UBE3D: variants seen among roughly 807,000 people sequenced by gnomAD.
UBE3D encodes E3 ubiquitin-protein ligase E3D.
Under a neutral mutation model 49.6 loss-of-function variants are expected in UBE3D, and 48 were observed. The observed-to-expected ratio is 0.97, with a 90% CI of 0.77 to 1.23. The LOEUF is 1.23. Ranked by LOEUF, UBE3D falls within the 50% of genes most tolerant of loss-of-function variation. The pLI is 0.00. For synonymous variants in UBE3D, 189 were observed against 174.2 expected (o/e 1.08, Z -0.67); for missense variants, 452 against 468.4 (o/e 0.96, Z 0.32).
chr6:82,963,190 C>CT (rs5877828), intron 8 of UBE3D, among the ~76,000 whole-genome samples: 18,608 of 123,058 alleles, frequency 0.15, 1,350 homozygotes, highest in South Asian at 0.17. Flanking sequence ...AAGTTTTCAT[C>CT]TTTTTTTTTT....
At chr6:83,046,772 C>T (rs1169998264) in intron 3 of UBE3D, among the ~76,000 whole-genome samples, 1 of 151,450 alleles carries the variant, frequency 6.6e-6, no homozygotes, top group Non-Finnish European at 1.5e-5. Context: ...TCTACAAGCA[C>T]ACAAAATCTG....
At chr6:83,009,438 G>A (rs573458116) in intron 8 of UBE3D, among the ~76,000 whole-genome samples, 43 of 151,692 alleles carry the variant, frequency 2.8e-4, no homozygotes, top group East Asian at 2.4e-3. Context: ...TTCACATGAA[G>A]TTTACATTTC....
At chr6:82,968,695 C>T (rs568206446) in intron 8 of UBE3D, among the ~76,000 whole-genome samples, 3 of 152,106 alleles carry the variant, frequency 2.0e-5, no homozygotes, top group Non-Finnish European at 4.4e-5. Flanking sequence ...CATACTCCTG[C>T]CAACAGTGAA....
intron 8 of UBE3D, chr6:83,017,537 C>G (rs1780780241): frequency 6.6e-6 from 1 of 151,920 alleles, no homozygotes; most frequent in Non-Finnish European, 1.5e-5. Context: ...TTGAACATGT[C>G]TCAATAAAAT....
At chr6:82,892,131 C>A (rs1442613117), downstream of UBE3D, among the ~76,000 whole-genome samples, 12 of 152,170 alleles carry the variant, frequency 7.9e-5, no homozygotes, top group Non-Finnish European at 1.5e-4. Context: ...ATTTGCAAAT[C>A]CACAGACTGT....
At position 82,957,428 on chromosome 6, in the gene UBE3D, C is replaced by G. The variant is rs1776241973; in HGVS notation, c.1033G>C (p.Asp345His). ...NEKLVSLWES[D>H]ISVHPLTLPS... ...AGGGTTAGCGGGTGGACGCTGATGT[C>G]ACTTTCCCACAAGCTGACAAGTCTG... Residue 345 changes from aspartate (D) to histidine (H), a missense_variant, in exon 9 of 10, where the codon GAC (aspartate) becomes CAC (histidine). By Grantham distance (81) the Asp-to-His change is moderately conservative. Coordinates refer to ENST00000369747, the MANE Select transcript of UBE3D (RefSeq NM_198920.3). The G allele has an allele frequency of 6.2e-7, 1 of 1,613,880 alleles. No homozygotes were observed. Among genetic ancestry groups the G allele is most frequent in the South Asian group, 1.1e-5 (1 of 91,048 alleles).
chr6:82,997,794 A>G (rs1582591041), intron 8 of UBE3D, among the ~76,000 whole-genome samples: 1 of 152,318 alleles, frequency 6.6e-6, no homozygotes, highest in Non-Finnish European at 1.5e-5. Flanking sequence ...AAATATATGT[A>G]TATGCGTAGG....
At chr6:82,966,334 G>A (rs1452231187) in intron 8 of UBE3D, among the ~76,000 whole-genome samples, 1 of 152,152 alleles carries the variant, frequency 6.6e-6, no homozygotes, top group African/African-American at 2.4e-5. Context: ...AGTGATAGTG[G>A]CACAACCTTG....
At chr6:82,965,930 G>A (rs1393641734) in intron 8 of UBE3D, among the ~76,000 whole-genome samples, 1 of 151,954 alleles carries the variant, frequency 6.6e-6, no homozygotes, top group Non-Finnish European at 1.5e-5. Context: ...CATTTCATGA[G>A]GAAATAATTC....
At chr6:82,964,252 T>C (rs1445769052) in intron 8 of UBE3D, among the ~76,000 whole-genome samples, 1 of 152,162 alleles carries the variant, frequency 6.6e-6, no homozygotes, top group Non-Finnish European at 1.5e-5. Context: ...AAATTGAGAA[T>C]GAATCAAACC....
chr6:83,034,787 A>C (rs1029726466), intron 5 of UBE3D, among the ~76,000 whole-genome samples: 1 of 152,108 alleles, frequency 6.6e-6, no homozygotes, highest in Non-Finnish European at 1.5e-5. Context: ...TTCTTTACAA[A>C]TTACCCAGTC....
intron 4 of UBE3D, 148 bp from the exon 5 acceptor site, chr6:83,038,633 A>C (rs1207042796): frequency 3.0e-6 from 2 of 666,690 alleles, no homozygotes; most frequent in Admixed American, 7.3e-5. Context: ...GCTTGTATGC[A>C]TAATTCACAT....
chr6:83,042,014 A>G (rs190735070), intron 4 of UBE3D, among the ~76,000 whole-genome samples: 1 of 152,078 alleles, frequency 6.6e-6, no homozygotes, highest in East Asian at 1.9e-4. Context: ...GGTTCAAACG[A>G]TTCTCCTGCC....
intron 8 of UBE3D, among the ~76,000 whole-genome samples, chr6:82,990,066 T>C (rs935339613): frequency 5.9e-5 from 9 of 152,204 alleles, no homozygotes; most frequent in Non-Finnish European, 1.2e-4. Flanking sequence ...GATTCCAGGT[T>C]GCTGCCATAC....
At chr6:82,918,319 C>T (rs1270330169) in intron 9 of UBE3D, among the ~76,000 whole-genome samples, 1 of 151,450 alleles carries the variant, frequency 6.6e-6, no homozygotes. Context: ...TAAACCCTTT[C>T]ATTTCCTGAA....
intron 9 of UBE3D, among the ~76,000 whole-genome samples, chr6:82,941,167 C>CGTGCCACCG (rs547330138): frequency 7.3e-4 from 111 of 152,174 alleles, no homozygotes; most frequent in African/African-American, 2.2e-3. Flanking sequence ...GATCGTGCCA[C>CGTGCCACCG]TGGACTCTAT....
intron 1 of UBE3D, 134 bp downstream of exon 1, chr6:83,065,508 G>C (rs1784433066): frequency 1.3e-6 from 1 of 779,400 alleles, no homozygotes; most frequent in South Asian, 1.9e-5. Context: ...GCTTCACTTT[G>C]AGTGATCGAG....
chr6:82,920,422 C>G (rs1458520254), intron 9 of UBE3D, among the ~76,000 whole-genome samples: 1 of 152,124 alleles, frequency 6.6e-6, no homozygotes, highest in African/African-American at 2.4e-5. Context: ...ATAATAGCAC[C>G]ATTTAAATAA....
chr6:82,986,410 G>A (rs1018466262), intron 8 of UBE3D, among the ~76,000 whole-genome samples: 1 of 141,742 alleles, frequency 7.1e-6, no homozygotes, highest in African/African-American at 2.7e-5. Flanking sequence ...AGTGGAGGTT[G>A]CAGTGAGCCG....
Sources: allele counts gnomAD v4.1 joint callset (sites outside exome capture counted in the v4.1 genomes callset), GRCh38; gene constraint gnomAD v4.1.1; transcripts MANE v1.5; gene names NCBI Gene and HGNC (gene_info 2026-07-23, HGNC 2026-07-21).